Variants in IFT88 observed in about 807,000 individuals in gnomAD.
IFT88 encodes intraflagellar transport protein 88 homolog.
A neutral mutation model predicts 119.5 loss-of-function variants in IFT88; 74 were observed. That is an observed-to-expected ratio of 0.62 (90% CI 0.51 to 0.75). The LOEUF is 0.75. IFT88 is among the 30% of genes least tolerant of loss of function. IFT88 has a pLI of 0.00. For missense variants in IFT88, 961 were observed against 977.7 expected, an observed-to-expected ratio of 0.98 and a Z score of 0.23; for synonymous variants, 279 against 316.7, an observed-to-expected ratio of 0.88 and a Z score of 1.26.
chr13:20,571,265 A>T (rs1257450189), intron 1 of IFT88, among the ~76,000 whole-genome samples: 1 of 152,220 alleles, frequency 6.6e-6, no homozygotes, highest in Non-Finnish European at 1.5e-5. Flanking sequence ...AAGTGCTGGG[A>T]TTATAGGCGT....
intron 7 of IFT88, among the ~76,000 whole-genome samples, chr13:20,593,504 G>A (rs1437932803): frequency 6.6e-6 from 1 of 151,352 alleles, no homozygotes; most frequent in Non-Finnish European, 1.5e-5. Context: ...TAGAATATAT[G>A]TTTTTAAATT....
At chr13:20,589,789 TA>T in intron 3 of IFT88, 21 bp from the exon 4 acceptor site, 2 of 1,561,572 alleles carry the variant, frequency 1.3e-6, no homozygotes, top group Non-Finnish European at 1.8e-6. Context: ...TCCTGTTAAC[TA>T]TGTTCTTTTT....
chr13:20,628,869 A>G (rs1241233547), intron 15 of IFT88, among the ~76,000 whole-genome samples: 3 of 152,198 alleles, frequency 2.0e-5, no homozygotes, highest in Non-Finnish European at 1.5e-5. Flanking sequence ...GATGTTAAAT[A>G]TAGCCTTAAA....
chr13:20,632,481 C>T lies in IFT88; in HGVS notation c.1386+1379C>T, dbSNP rs573636744. ...CTTAACTCTGCCTTAGCCACTAACT[C>T]GAATTTCCAGCGTCTTGGGTTTTGC... On this transcript the variant is annotated intron_variant, in intron 16 of 25. Transcript: ENST00000351808. 8.5e-5 allele frequency among the ~76,000 whole-genome samples: 13 copies of T among 152,284 alleles called. No individual in the cohort carries two copies. In the South Asian group the frequency reaches 2.3e-3, roughly 27 times the overall value.
At chr13:20,678,172 A>G (rs2056907493) in intron 24 of IFT88, among the ~76,000 whole-genome samples, 1 of 152,246 alleles carries the variant, frequency 6.6e-6, no homozygotes, top group African/African-American at 2.4e-5. Flanking sequence ...GGAGGTAGAG[A>G]AGAGGATATA....
At chr13:20,601,365 G>GAA (rs60858876) in intron 11 of IFT88, among the ~76,000 whole-genome samples, 1 of 143,356 alleles carries the variant, frequency 7.0e-6, no homozygotes, top group Non-Finnish European at 1.5e-5. Flanking sequence ...GACCCTGTCT[G>GAA]AAAAAAAAAA....
At chr13:20,615,349 A>G (rs988880617) in intron 13 of IFT88, among the ~76,000 whole-genome samples, 2 of 152,218 alleles carry the variant, frequency 1.3e-5, no homozygotes, top group African/African-American at 4.8e-5. Flanking sequence ...GTGTACATAT[A>G]CATATACACA....
At chr13:20,611,251 AG>A (rs2044458052) in intron 13 of IFT88, among the ~76,000 whole-genome samples, 1 of 151,972 alleles carries the variant, frequency 6.6e-6, no homozygotes, top group African/African-American at 2.4e-5. Context: ...ACAAGTAGAA[AG>A]GAAGTTCCCC....
intron 16 of IFT88, among the ~76,000 whole-genome samples, chr13:20,635,903 TA>T (rs1030046616): frequency 8.6e-4 from 126 of 146,420 alleles, no homozygotes; most frequent in African/African-American, 2.9e-3. Context: ...AAGTAAAAAA[TA>T]AAAAAAAAAG....
intron 24 of IFT88, among the ~76,000 whole-genome samples, chr13:20,685,294 C>T (rs574879754): frequency 7.9e-5 from 12 of 152,278 alleles, no homozygotes; most frequent in African/African-American, 2.2e-4. Context: ...AGTAAACCAA[C>T]GACTTCTAGC....
At chr13:20,633,341 G>T (rs769866672) in intron 16 of IFT88, among the ~76,000 whole-genome samples, 6 of 152,064 alleles carry the variant, frequency 3.9e-5, no homozygotes, top group Non-Finnish European at 5.9e-5. Context: ...GAGAGGGTGG[G>T]CCTTTGTACC....
Position 20,691,184 on chromosome 13 carries a change from T to G in IFT88, c.*9T>G, listed in dbSNP as rs1388968469. ...ATTTGCTTCCAGAATAATATTCACT[T>G]TAATATTTATTAAAGGAAAGAAATT... On this transcript the variant is annotated 3_prime_UTR_variant, in exon 26 of 26. Coordinates refer to ENST00000351808, the MANE Select transcript of IFT88 (RefSeq NM_006531.5). The G allele has an allele frequency of 6.2e-7, 1 of 1,604,938 alleles. No individual in the cohort carries two copies. Among genetic ancestry groups the G allele is most frequent in the African/African-American group, 1.3e-5 (1 of 74,582 alleles).
chr13:20,671,105 C>A, intron 24 of IFT88, 66 bp downstream of exon 24: 1 of 1,261,252 alleles, frequency 7.9e-7, no homozygotes, highest in Non-Finnish European at 1.2e-6. Context: ...CTTCTGGAAA[C>A]ATCTTGCAAT....
intron 9 of IFT88, among the ~76,000 whole-genome samples, chr13:20,598,302 C>T (rs1180698078): frequency 4.6e-5 from 7 of 152,094 alleles, no homozygotes; most frequent in East Asian, 1.9e-4. Flanking sequence ...GATATTTCCA[C>T]GTTTAATTTA....
At chr13:20,648,722 A>G (rs1820750452) in intron 20 of IFT88, among the ~76,000 whole-genome samples, 1 of 152,150 alleles carries the variant, frequency 6.6e-6, no homozygotes, top group Admixed American at 6.6e-5. Flanking sequence ...TTAAAAGAAA[A>G]ACTTAGCAGA....
intron 24 of IFT88, among the ~76,000 whole-genome samples, chr13:20,685,393 T>C (rs968431833): frequency 7.9e-5 from 12 of 152,310 alleles, no homozygotes; most frequent in Middle Eastern, 3.4e-3. Flanking sequence ...TATGACAGGC[T>C]TAGGGCTTGC....
chr13:20,601,926 C>T lies in IFT88; in HGVS notation c.1034C>T (p.Ser345Leu), dbSNP rs766670349. 4.5e-6 allele frequency: 7 copies of T among 1,541,738 alleles called. No individual in the cohort carries two copies. Among genetic ancestry groups the T allele is most frequent in the Non-Finnish European group, 6.3e-6 (7 of 1,115,052 alleles). ...GAAATTGATGAAGATAAATATATTTCACCAAGTGTGAGTATGAAAAAGACA... is the reference window on the plus strand; with the variant it reads ...GAAATTGATGAAGATAAATATATTTTACCAAGTGTGAGTATGAAAAAGACA... ...PLEIDEDKYISPSDDPHTNLV... is the reference protein window; with the variant it reads ...PLEIDEDKYILPSDDPHTNLV... Residue 345 changes from serine to leucine, a missense_variant, in exon 12 of 26, where the codon TCA becomes TTA. Coordinates refer to ENST00000351808, the MANE Select transcript of IFT88 (RefSeq NM_006531.5).
rs367967021 is a variant in IFT88, at chr13:20,625,791, C to G, written c.1241C>G (p.Ala414Gly). ...VVKASQYVEL[A>G]NDLEINKAVT... is the part of the protein sequence containing the mutation. Reference sequence around the variant, plus strand: ...AAAGCTTCTCAATATGTAGAGCTAGCCAATGATCTGGAAATAAACAAAGCA... The same window carrying G: ...AAAGCTTCTCAATATGTAGAGCTAGGCAATGATCTGGAAATAAACAAAGCA... Residue 414 changes from alanine (A) to glycine (G), a missense_variant, in exon 15 of 26, where the codon GCC (alanine) becomes GGC (glycine). Ala to Gly is a moderately conservative substitution (Grantham distance 60). Transcript: ENST00000351808. 1.9e-6 allele frequency: 3 copies of G among 1,603,942 alleles called. No homozygotes were observed. In the African/African-American group the frequency reaches 4.0e-5, roughly 22 times the overall value.
chr13:20,645,017 C>A, intron 20 of IFT88, 59 bp downstream of exon 20: 1 of 758,094 alleles, frequency 1.3e-6, no homozygotes, highest in South Asian at 1.8e-5. Flanking sequence ...TTTTTTAATC[C>A]CTAGAATTAG....
Sources: allele counts gnomAD v4.1 joint callset (sites outside exome capture counted in the v4.1 genomes callset), GRCh38; gene constraint gnomAD v4.1.1; transcripts MANE v1.5; gene names NCBI Gene and HGNC (gene_info 2026-07-23, HGNC 2026-07-21).